Variants in RFX7 observed in about 807,000 individuals in gnomAD.
The protein encoded by RFX7 is regulatory factor X7.
In RFX7, 26 loss-of-function variants were observed where a neutral mutation model predicts 111.8. That is an observed-to-expected ratio of 0.23 (90% confidence interval 0.17 to 0.32). RFX7 has a LOEUF of 0.32. Ranked by LOEUF, RFX7 falls within the 10% of genes least tolerant of loss-of-function variation. The probability of loss-of-function intolerance (pLI) is 1.00; values close to 1 mark genes in which losing one functional copy is unlikely to be tolerated. For synonymous variants in RFX7, 624 were observed against 624.4 expected (o/e 1.00, Z 0.01); for missense variants, 1,573 against 1,772.9 (o/e 0.89, Z 2.02).
At chr15:56,115,042 G>A (rs2041992389) in intron 5 of RFX7, among the ~76,000 whole-genome samples, 1 of 151,874 alleles carries the variant, frequency 6.6e-6, no homozygotes, top group Non-Finnish European at 1.5e-5. Context: ...ACAGAGTCTC[G>A]CTCTGTTGCC....
chr15:56,123,311 T>A (rs2042101347), intron 5 of RFX7, among the ~76,000 whole-genome samples: 1 of 152,134 alleles, frequency 6.6e-6, no homozygotes, highest in African/African-American at 2.4e-5. Flanking sequence ...GTCCTTCCCA[T>A]CAACGTAGTG....
At chr15:56,135,612 T>G (rs1225724222) in intron 5 of RFX7, among the ~76,000 whole-genome samples, 51 of 152,154 alleles carry the variant, frequency 3.4e-4, no homozygotes, top group African/African-American at 9.6e-4. Flanking sequence ...AGAAGCTCTT[T>G]AGTTTAATTA....
intron 5 of RFX7, among the ~76,000 whole-genome samples, chr15:56,119,437 G>A (rs2140962538): frequency 6.6e-6 from 1 of 152,214 alleles, no homozygotes; most frequent in South Asian, 2.1e-4. Flanking sequence ...ATTTATTGAA[G>A]AAACCATGTA....
chr15:56,190,835 T>C (rs938346278), intron 2 of RFX7, among the ~76,000 whole-genome samples: 2 of 152,220 alleles, frequency 1.3e-5, no homozygotes, highest in African/African-American at 4.8e-5. Context: ...GTGAAACCCT[T>C]ACTTGGAAGA....
intron 2 of RFX7, among the ~76,000 whole-genome samples, chr15:56,223,946 A>C (rs2043453249): frequency 6.6e-6 from 1 of 152,158 alleles, no homozygotes; most frequent in African/African-American, 2.4e-5. Flanking sequence ...CATTTTCTCA[A>C]GACATTATAC....
At chr15:56,141,182 A>G (rs1211503679) in intron 5 of RFX7, among the ~76,000 whole-genome samples, 1 of 152,078 alleles carries the variant, frequency 6.6e-6, no homozygotes, top group Non-Finnish European at 1.5e-5. Context: ...TTTCTCTACA[A>G]AAAACAAAAA....
chr15:56,146,743 A>T (rs1035500187), intron 3 of RFX7, among the ~76,000 whole-genome samples: 1 of 152,210 alleles, frequency 6.6e-6, no homozygotes, highest in Non-Finnish European at 1.5e-5. Context: ...TTTTAAAACA[A>T]TGAAAACTTG....
chr15:56,242,885 T>C (rs548763098), intron 2 of RFX7, among the ~76,000 whole-genome samples: 2 of 152,286 alleles, frequency 1.3e-5, no homozygotes, highest in South Asian at 4.1e-4. Context: ...AAAAACTTGT[T>C]TATCTGCACT....
intron 5 of RFX7, among the ~76,000 whole-genome samples, chr15:56,111,274 T>C (rs1457677422): frequency 2.7e-5 from 4 of 150,874 alleles, no homozygotes; most frequent in Admixed American, 6.6e-5. Context: ...GAGGTAGACA[T>C]GGGAGACTTT....
intron 2 of RFX7, among the ~76,000 whole-genome samples, chr15:56,187,211 ATTT>A (rs572991858): frequency 1.4e-5 from 2 of 142,162 alleles, no homozygotes. Flanking sequence ...TACTGGTAGA[ATTT>A]TTTTTTTTTT....
intron 2 of RFX7, among the ~76,000 whole-genome samples, chr15:56,215,040 T>G (rs2043350141): frequency 6.6e-6 from 1 of 152,196 alleles, no homozygotes; most frequent in Admixed American, 6.5e-5. Flanking sequence ...ATACGTACAA[T>G]TGTCCCTTGG....
upstream of RFX7, chr15:56,244,000 G>T (rs2141259190): frequency 6.6e-6 from 1 of 150,588 alleles, no homozygotes; most frequent in Non-Finnish European, 1.5e-5. Context: ...AGGGCGGCGC[G>T]GGCCAGCGGG....
intron 3 of RFX7, among the ~76,000 whole-genome samples, chr15:56,169,830 T>C (rs552182339): frequency 6.6e-6 from 1 of 151,646 alleles, no homozygotes; most frequent in East Asian, 1.9e-4. Context: ...GTGGGGTGGA[T>C]TGGTTATCTT....
rs1268350933 is a variant in RFX7 at position 56,138,240 on chromosome 15, G to A, written c.401+4538C>T. 5.0e-5 allele frequency among the ~76,000 whole-genome samples: 7 copies of A among 139,182 alleles called. No homozygotes were observed. The South Asian group carries it at 8.2e-4, about 16-fold the overall frequency. 91.3% of individuals were successfully genotyped at this position (139,182 alleles called of 152,430 possible). On this transcript the variant is annotated intron_variant, in intron 5 of 9. Transcript: ENST00000559447. ...TGTTAAAGTCTCCCATTATTAATGT[G>A]TGGGAGTCTAAGTCTCTTTGTAGGT...
Position 56,092,529 on chromosome 15 carries a change from A to T in RFX7, c.*816T>A, listed in dbSNP as rs2041609242. 6.6e-6 allele frequency: 1 copy of T among 152,252 alleles called. No homozygotes were observed. Among genetic ancestry groups the T allele is most frequent in the South Asian group, 2.1e-4 (1 of 4,832 alleles). 9.4% of individuals were successfully genotyped at this position (152,252 alleles called of 1,614,324 possible). A position where few individuals can be genotyped will look rare whatever the true frequency, so the allele number is the denominator to read the frequency against. ...TTCTCATTCCCCTAACTTAACAAAT[A>T]ATAAGACATAAAGCATTTTTCTAAC... On this transcript the variant is annotated 3_prime_UTR_variant, in exon 10 of 10. Coordinates refer to ENST00000559447, the MANE Select transcript of RFX7 (RefSeq NM_022841.7).
intron 2 of RFX7, among the ~76,000 whole-genome samples, chr15:56,198,692 C>G (rs1013639778): frequency 6.6e-6 from 1 of 152,082 alleles, no homozygotes; most frequent in Non-Finnish European, 1.5e-5. Flanking sequence ...GACACTGATT[C>G]AAACAAACTG....
At chr15:56,214,581 G>A (rs1426387690) in intron 2 of RFX7, among the ~76,000 whole-genome samples, 1 of 152,072 alleles carries the variant, frequency 6.6e-6, no homozygotes, top group Non-Finnish European at 1.5e-5. Context: ...CAGGCGCGGT[G>A]GCGGGCGCCT....
rs2041785946 is a variant in RFX7, at chr15:56,103,450, G to C, written c.518+104C>G. ...TTAAGCTTTTGAGTTGCTTTAATTT[G>C]AAGTTTATTTCTAAATAAAGTTGCC... On this transcript the variant is annotated intron_variant, in intron 6 of 9. Coordinates refer to ENST00000559447, the MANE Select transcript of RFX7 (RefSeq NM_022841.7). 6.0e-6 allele frequency: 4 copies of C among 665,056 alleles called. No homozygotes were observed. In the Admixed American group the frequency reaches 1.3e-4, roughly 22 times the overall value. The allele number at this position is 665,056 out of a possible 1,614,324, so 41.2% of individuals were successfully genotyped here.
At chr15:56,153,854 C>T (rs527743048) in intron 3 of RFX7, among the ~76,000 whole-genome samples, 1 of 152,178 alleles carries the variant, frequency 6.6e-6, no homozygotes, top group African/African-American at 2.4e-5. Context: ...GTCAAATTGT[C>T]TCTGTTTGCA....
Sources: allele counts gnomAD v4.1 joint callset (sites outside exome capture counted in the v4.1 genomes callset), GRCh38; gene constraint gnomAD v4.1.1; transcripts MANE v1.5; gene names NCBI Gene and HGNC (gene_info 2026-07-23, HGNC 2026-07-21).